The following LRAT variants were observed in gnomAD, a reference collection of about 807,000 sequenced individuals.
LRAT encodes lecithin retinol acyltransferase (phosphatidylcholine--retinol O-acyltransferase).
A neutral mutation model predicts 14.2 loss-of-function variants in LRAT; 11 were observed. The observed-to-expected ratio is 0.78, with a 90% CI of 0.49 to 1.29. The LOEUF is 1.29. Among genes scored for constraint, LRAT ranks in the 50% most tolerant of loss-of-function variants. The pLI is 0.00. For missense variants in LRAT, 274 were observed against 292.4 expected (o/e 0.94, Z 0.46); for synonymous variants, 144 against 124.8 (o/e 1.15, Z -1.03).
chr4:154,745,005 CCTTTTTTTTTTTTTTTTT>C lies in LRAT; in HGVS notation c.540+140_540+157del. ...CTTCCATACCATCCTTTTTCTTTTTCCTTTTTTTTTTTTTTTTTTTTTTTTTTTTTTGAGACGGAGTCT... is the reference window on the plus strand; with the variant it reads ...CTTCCATACCATCCTTTTTCTTTTTCTTTTTTTTTTTTTGAGACGGAGTCT... On this transcript the variant is annotated intron_variant, in intron 2 of 2. Coordinates refer to ENST00000336356, the MANE Select transcript of LRAT (RefSeq NM_004744.5). The C allele has an allele frequency of 6.9e-6, 3 of 436,328 alleles. 1 individual carries two copies. The highest frequency in any genetic ancestry group is 5.1e-5 in the South Asian group (2 of 38,898). The allele number at this position is 436,328 out of a possible 1,614,324, so 27.0% of individuals were successfully genotyped here. A position where few individuals can be genotyped will look rare whatever the true frequency, so the allele number is the denominator to read the frequency against.
chr4:154,750,436 T>C lies in LRAT; in HGVS notation c.*1300T>C, dbSNP rs1368993378. The C allele has an allele frequency of 1.3e-5, 2 of 152,124 alleles. No individual in the cohort carries two copies. The highest frequency in any genetic ancestry group is 4.8e-5 in the African/African-American group (2 of 41,448). The allele number at this position is 152,124 out of a possible 1,614,324, so 9.4% of individuals were successfully genotyped here. A position where few individuals can be genotyped will look rare whatever the true frequency, so the allele number is the denominator to read the frequency against. On this transcript the variant is annotated 3_prime_UTR_variant, in exon 3 of 3. Coordinates refer to ENST00000336356, the MANE Select transcript of LRAT (RefSeq NM_004744.5). ...CAAATTCTTAAAATGAAGCCACAGC[T>C]AGACTTGCATTTCAGGTATTAAAAT... is the stretch of plus-strand genomic sequence containing the variant.
intron 2 of LRAT, among the ~76,000 whole-genome samples, chr4:154,747,623 A>T (rs1732907193): frequency 6.6e-6 from 1 of 152,178 alleles, no homozygotes; most frequent in Non-Finnish European, 1.5e-5. Context: ...TACAGTCGAA[A>T]ATGATTCTGA....
chr4:154,742,542 G>A (rs577195109), upstream of LRAT, among the ~76,000 whole-genome samples: 35 of 152,302 alleles, frequency 2.3e-4, no homozygotes, highest in African/African-American at 8.2e-4. Flanking sequence ...TCAGGCGTGC[G>A]TAGAATCTGC....
At chr4:154,747,342 AACTATT>A in intron 2 of LRAT, among the ~76,000 whole-genome samples, 1 of 151,656 alleles carries the variant, frequency 6.6e-6, no homozygotes, top group South Asian at 2.1e-4. Flanking sequence ...TTTGGTTAAT[AACTATT>A]ACTATTCCTT....
At chr4:154,746,689 G>T (rs747825246) in intron 2 of LRAT, among the ~76,000 whole-genome samples, 5 of 152,114 alleles carry the variant, frequency 3.3e-5, no homozygotes, top group Non-Finnish European at 7.4e-5. Context: ...CACATATAGC[G>T]CTGCATTATA....
At chr4:154,745,012 T>A (rs55895520) in intron 2 of LRAT, 146 bp downstream of exon 2, 3 of 358,672 alleles carry the variant, frequency 8.4e-6, no homozygotes, top group Non-Finnish European at 1.2e-5. Flanking sequence ...TTTCCTTTTT[T>A]TTTTTTTTTT....
In LRAT at chr4:154,744,677, C is replaced by A; in HGVS notation, c.351C>A (p.Ala117=). 1 of 1,614,192 alleles carries A rather than the reference C, an allele frequency of 6.2e-7. No individual in the cohort carries two copies. The highest frequency in any genetic ancestry group is 8.5e-7 in the Non-Finnish European group (1 of 1,180,044). The part of the protein sequence containing the change: ...SIRVDTVEDF[A]YGANILVNHL... ...GCGTGGACACAGTGGAGGACTTCGCCTACGGAGCTAACATCCTGGTCAATC... is the reference window on the plus strand; with the variant it reads ...GCGTGGACACAGTGGAGGACTTCGCATACGGAGCTAACATCCTGGTCAATC... The change falls in exon 2 of 3, where the codon GCC becomes GCA. Residue 117 remains alanine (A), a synonymous_variant. Coordinates refer to ENST00000336356, the MANE Select transcript of LRAT (RefSeq NM_004744.5).
At chr4:154,745,725 A>AT (rs1271512518) in intron 2 of LRAT, among the ~76,000 whole-genome samples, 3 of 152,280 alleles carry the variant, frequency 2.0e-5, no homozygotes, top group African/African-American at 7.2e-5. Context: ...GCATAGAGGG[A>AT]TTTTTCATTG....
upstream of LRAT, chr4:154,743,985 G>A (rs1333365735): frequency 3.9e-6 from 1 of 254,020 alleles, no homozygotes; most frequent in Admixed American, 5.0e-5. Flanking sequence ...AAGTCGCAGC[G>A]AAGCCTGCAC....
At position 154,750,905 on chromosome 4, in the gene LRAT, A is replaced by G. The variant is rs1732977287; in HGVS notation, c.*1769A>G. Reference sequence around the variant, plus strand: ...TTTGCAAACTTTAGTTATTACAGGCAGCAAAAACCACTGTCTGAAACTAAA... The same window carrying G: ...TTTGCAAACTTTAGTTATTACAGGCGGCAAAAACCACTGTCTGAAACTAAA... On this transcript the variant is annotated 3_prime_UTR_variant, in exon 3 of 3. Coordinates refer to ENST00000336356, the MANE Select transcript of LRAT (RefSeq NM_004744.5). The G allele has an allele frequency of 1.3e-5, 2 of 152,220 alleles. No individual in the cohort carries two copies. Among genetic ancestry groups the G allele is most frequent in the Non-Finnish European group, 2.9e-5 (2 of 68,042 alleles). 9.4% of individuals were successfully genotyped at this position (152,220 alleles called of 1,614,324 possible).
rs1732971440 is a variant in LRAT at position 154,750,624 on chromosome 4, T to C, written c.*1488T>C. On this transcript the variant is annotated 3_prime_UTR_variant, in exon 3 of 3. Coordinates refer to ENST00000336356, the MANE Select transcript of LRAT (RefSeq NM_004744.5). ...TAATTTGCCCACAACAAACTCAGTA[T>C]TTAATTTTTCAAATTAAATATTAAA... 6.6e-6 allele frequency: 1 copy of C among 152,118 alleles called. No individual in the cohort carries two copies. The highest frequency in any genetic ancestry group is 6.5e-5 in the Admixed American group (1 of 15,280). The allele number at this position is 152,118 out of a possible 1,614,324, so 9.4% of individuals were successfully genotyped here. A position where few individuals can be genotyped will look rare whatever the true frequency, so the allele number is the denominator to read the frequency against.
upstream of LRAT, among the ~76,000 whole-genome samples, chr4:154,743,137 C>CCCCCG (rs2111030177): frequency 8.1e-6 from 1 of 123,816 alleles, no homozygotes; most frequent in East Asian, 3.0e-4. Context: ...CCCCCCCCCC[C>CCCCCG]CGCCCTACAC....
chr4:154,747,890 A>G (rs1732912961), intron 2 of LRAT, among the ~76,000 whole-genome samples: 1 of 152,156 alleles, frequency 6.6e-6, no homozygotes, highest in South Asian at 2.1e-4. Flanking sequence ...GTGTAAAAGT[A>G]TGGATAGAGA....
chr4:154,742,988 G>T, upstream of LRAT, among the ~76,000 whole-genome samples: 1 of 152,174 alleles, frequency 6.6e-6, no homozygotes, highest in East Asian at 1.9e-4. Flanking sequence ...CCTGGCGGGC[G>T]TTGGGACCCC....
upstream of LRAT, among the ~76,000 whole-genome samples, chr4:154,742,997 C>T (rs1371038254): frequency 6.6e-6 from 1 of 152,116 alleles, no homozygotes; most frequent in Non-Finnish European, 1.5e-5. Flanking sequence ...CGTTGGGACC[C>T]CGCCGTTTTT....
Position 154,749,004 on chromosome 4 carries a change from A to C in LRAT, c.561A>C (p.Ile187=). 1.2e-6 allele frequency: 2 copies of C among 1,613,744 alleles called. No homozygotes were observed. Among genetic ancestry groups the C allele is most frequent in the South Asian group, 2.2e-5 (2 of 91,068 alleles). Reference sequence around the variant, plus strand: ...TCCAGTTTTGTGAGACTGTGAAGATAATTATTCGTGATCAGAGAAGTGTTC... The same window carrying C: ...TCCAGTTTTGTGAGACTGTGAAGATCATTATTCGTGATCAGAGAAGTGTTC... ...QSDKFCETVK[I]IIRDQRSVLA... The change falls in exon 3 of 3, where the codon ATA becomes ATC. Residue 187 remains isoleucine (I), a synonymous_variant. Coordinates refer to ENST00000336356, the MANE Select transcript of LRAT (RefSeq NM_004744.5).
In LRAT at chr4:154,751,467, T is replaced by C. The variant is rs1175094548; in HGVS notation, c.*2331T>C. ...AAAGAAACCCTGAGGCCGGGCGCGG[T>C]GGCTCAAGCCTGTAACCCCAGCACT... On this transcript the variant is annotated 3_prime_UTR_variant, in exon 3 of 3. Transcript: ENST00000336356. 1 of 152,034 alleles carries C rather than the reference T, an allele frequency of 6.6e-6. No homozygotes were observed. Among genetic ancestry groups the C allele is most frequent in the Non-Finnish European group, 1.5e-5 (1 of 68,040 alleles). 9.4% of individuals were successfully genotyped at this position (152,034 alleles called of 1,614,324 possible).
intron 2 of LRAT, chr4:154,748,223 C>T: frequency 8.1e-6 from 8 of 985,378 alleles, no homozygotes; most frequent in East Asian, 1.1e-4. Flanking sequence ...GTGCATCAAA[C>T]ATCTCAGTTA....
rs768021519 is a variant in LRAT, at chr4:154,749,407, C to G, written c.*271C>G. The G allele has an allele frequency of 2.3e-6, 1 of 438,246 alleles. No individual in the cohort carries two copies. The highest frequency in any genetic ancestry group is 4.5e-5 in the East Asian group (1 of 21,986). The allele number at this position is 438,246 out of a possible 1,614,324, so 27.1% of individuals were successfully genotyped here. On this transcript the variant is annotated 3_prime_UTR_variant, in exon 3 of 3. Transcript: ENST00000336356. ...GAATTCAGCAATATGAGAAAACCAG[C>G]CCCTAAAATGATAGCCACAAGAGAT...
Sources: allele counts gnomAD v4.1 joint callset (sites outside exome capture counted in the v4.1 genomes callset), GRCh38; gene constraint gnomAD v4.1.1; transcripts MANE v1.5; gene names NCBI Gene and HGNC (gene_info 2026-07-23, HGNC 2026-07-21).